Variants in LUC7L2 observed in about 807,000 individuals in gnomAD.
LUC7L2 encodes the protein LUC7 like 2, pre-mRNA splicing factor, also known as putative RNA-binding protein Luc7-like 2.
LUC7L2 carries 25 observed loss-of-function variants against 52.8 expected under a neutral mutation model. The observed-to-expected ratio is 0.47, with a 90% CI of 0.34 to 0.66. LUC7L2 has a LOEUF of 0.66. LUC7L2 is among the 30% of genes least tolerant of loss of function. LUC7L2 has a pLI of 0.01. For synonymous variants in LUC7L2, 144 were observed against 160.9 expected (o/e 0.89, Z 0.80); for missense variants, 328 against 497.8 (o/e 0.66, Z 3.25).
upstream of LUC7L2, among the ~76,000 whole-genome samples, chr7:139,355,454 C>T (rs1040868117): frequency 1.3e-5 from 2 of 151,960 alleles, no homozygotes; most frequent in African/African-American, 4.8e-5. Context: ...CACAAAAAAC[C>T]TTAAGATACT....
At chr7:139,397,667 C>G (rs890085173) in intron 2 of LUC7L2, among the ~76,000 whole-genome samples, 1 of 152,076 alleles carries the variant, frequency 6.6e-6, no homozygotes, top group African/African-American at 2.4e-5. Context: ...TTGCATCTTG[C>G]CAATTTTTTC....
At chr7:139,403,858 T>C (rs778647375) in intron 4 of LUC7L2, among the ~76,000 whole-genome samples, 2 of 152,166 alleles carry the variant, frequency 1.3e-5, no homozygotes, top group Non-Finnish European at 2.9e-5. Flanking sequence ...GTTCTCATAG[T>C]GGTGGTAGAG....
At chr7:139,343,059 T>C (rs1324522107) in intron 1 of LUC7L2, among the ~76,000 whole-genome samples, 1 of 152,242 alleles carries the variant, frequency 6.6e-6, no homozygotes, top group Non-Finnish European at 1.5e-5. Context: ...TGATCTCTTT[T>C]GGGTTCTTGT....
chr7:139,357,534 A>G (rs1228719776), upstream of LUC7L2, among the ~76,000 whole-genome samples: 2 of 152,184 alleles, frequency 1.3e-5, no homozygotes, highest in African/African-American at 4.8e-5. Context: ...TGTGTACATA[A>G]TAGTGTATCC....
intron 2 of LUC7L2, among the ~76,000 whole-genome samples, chr7:139,379,396 G>T (rs573280111): frequency 6.6e-6 from 1 of 151,324 alleles, no homozygotes; most frequent in Non-Finnish European, 1.5e-5. Context: ...TTATAAAGAG[G>T]TTGGAACTTT....
chr7:139,381,704 G>A (rs960901040), intron 2 of LUC7L2, among the ~76,000 whole-genome samples: 1 of 151,584 alleles, frequency 6.6e-6, no homozygotes, highest in Non-Finnish European at 1.5e-5. Flanking sequence ...AGCCTCCCAA[G>A]TAGCTGAGAT....
At chr7:139,348,906 A>T (rs539156228) in intron 1 of LUC7L2, among the ~76,000 whole-genome samples, 2 of 152,194 alleles carry the variant, frequency 1.3e-5, no homozygotes, top group Non-Finnish European at 2.9e-5. Context: ...CACGCCTGTA[A>T]TCCCAGCACT....
chr7:139,385,554 C>T lies in LUC7L2; in HGVS notation c.156+9398C>T, dbSNP rs142269309. Among the ~76,000 whole-genome samples, 43 of 152,134 alleles carry T rather than the reference C, an allele frequency of 2.8e-4. 1 individual carries two copies. The East Asian group carries it at 7.5e-3, about 27-fold the overall frequency. Reference sequence around the variant, plus strand: ...CAGGCTCTTCTCAAACTCCTGGCCTCAAGGGATCCTCACACCTGGGCCTCT... The same window carrying T: ...CAGGCTCTTCTCAAACTCCTGGCCTTAAGGGATCCTCACACCTGGGCCTCT... On this transcript the variant is annotated intron_variant, in intron 2 of 9. Transcript: ENST00000354926.
chr7:139,408,406 A>AC (rs1247242922), intron 6 of LUC7L2, among the ~76,000 whole-genome samples: 1 of 152,198 alleles, frequency 6.6e-6, no homozygotes, highest in Non-Finnish European at 1.5e-5. Context: ...ATTGGAAGTG[A>AC]CCTAAATATT....
At chr7:139,376,180 T>G (rs769651790) in intron 2 of LUC7L2, 24 bp downstream of exon 2, 10 of 1,609,996 alleles carry the variant, frequency 6.2e-6, no homozygotes, top group Non-Finnish European at 8.5e-6. Context: ...AAATGTATTG[T>G]TAGATTACTG....
At chr7:139,368,860 G>A (rs1346971682) in intron 1 of LUC7L2, among the ~76,000 whole-genome samples, 1 of 152,070 alleles carries the variant, frequency 6.6e-6, no homozygotes, top group Non-Finnish European at 1.5e-5. Context: ...CATATTCACT[G>A]TGAGGCAGTA....
chr7:139,347,677 G>C (rs1799313272), intron 1 of LUC7L2, among the ~76,000 whole-genome samples: 2 of 132,048 alleles, frequency 1.5e-5, no homozygotes, highest in African/African-American at 7.8e-5. Context: ...GCATTTATTC[G>C]ACTGAATGTA....
chr7:139,410,924 G>C (rs946406959), intron 7 of LUC7L2, among the ~76,000 whole-genome samples: 3 of 146,656 alleles, frequency 2.0e-5, no homozygotes, highest in African/African-American at 8.1e-5. Context: ...CTTTTTAGGA[G>C]AAGTGATGTC....
At chr7:139,387,596 G>GA (rs1239201579) in intron 2 of LUC7L2, among the ~76,000 whole-genome samples, 1 of 152,196 alleles carries the variant, frequency 6.6e-6, no homozygotes, top group Non-Finnish European at 1.5e-5. Context: ...CGAATGTGGA[G>GA]AAGAAGGTAG....
chr7:139,389,374 C>T (rs1279509724), intron 2 of LUC7L2, among the ~76,000 whole-genome samples: 1 of 152,206 alleles, frequency 6.6e-6, no homozygotes, highest in Non-Finnish European at 1.5e-5. Context: ...TATAATCCTA[C>T]ATCCCCTTTT....
chr7:139,359,121 G>A (rs6962366), upstream of LUC7L2: 58,861 of 152,188 alleles, frequency 0.39, 15,847 homozygotes, highest in African/African-American at 0.77. Context: ...GGGTAGAACT[G>A]AAGCCAAGGC....
Position 139,421,873 on chromosome 7 carries a change from TA to T in LUC7L2, c.1002-289del, listed in dbSNP as rs1174033192. On this transcript the variant is annotated intron_variant, in intron 9 of 9. Transcript: ENST00000354926. ...CTATGTATTATTTTTTATATTAAAA[TA>T]CCTTTTATGAATTGGAGAAACTCTG... is the stretch of plus-strand genomic sequence containing the variant. Among the ~76,000 whole-genome samples the T allele has an allele frequency of 3.3e-5, 5 of 152,346 alleles. No individual in the cohort carries two copies. In the East Asian group the frequency reaches 5.8e-4, roughly 18 times the overall value.
At chr7:139,341,233 G>T in intron 1 of LUC7L2, 1 of 1,350,090 alleles carries the variant, frequency 7.4e-7, no homozygotes, top group Non-Finnish European at 9.8e-7. Context: ...AATAAGGTTC[G>T]GTCAACGGAC....
intron 4 of LUC7L2, 107 bp from the exon 5 acceptor site, chr7:139,405,537 A>G (rs1287341251): frequency 5.2e-6 from 7 of 1,350,188 alleles, no homozygotes; most frequent in South Asian, 1.6e-5. Flanking sequence ...TTCTTTAACC[A>G]CATACTGCCT....
Sources: gnomAD v4.1 joint callset for allele counts (sites outside exome capture counted in the v4.1 genomes callset) on GRCh38, gnomAD v4.1.1 for gene constraint, MANE v1.5 for transcripts, NCBI Gene and HGNC (gene_info 2026-07-23, HGNC 2026-07-21) for gene names.